Variants in DLG5 observed in about 807,000 individuals in gnomAD.
DLG5 encodes the protein disks large homolog 5.
A neutral mutation model predicts 189.8 loss-of-function variants in DLG5; 48 were observed. That is an observed-to-expected ratio of 0.25 (90% CI 0.20 to 0.32). The LOEUF is 0.32. DLG5 is among the 10% of genes least tolerant of loss of function. The pLI, the probability that DLG5 is intolerant of heterozygous loss-of-function variation, is 1.00. For missense variants in DLG5, 2,160 were observed against 2,544.7 expected, an observed-to-expected ratio of 0.85 and a Z score of 3.25; for synonymous variants, 1,016 against 1,054.1, an observed-to-expected ratio of 0.96 and a Z score of 0.70.
At chr10:77,853,908 C>T (rs190497256) in intron 4 of DLG5, among the ~76,000 whole-genome samples, 1 of 152,326 alleles carries the variant, frequency 6.6e-6, no homozygotes, top group Admixed American at 6.5e-5. Flanking sequence ...CTTGGGCCTA[C>T]CCTACAGGAA....
chr10:77,852,598 G>A (rs1844035445), intron 5 of DLG5, among the ~76,000 whole-genome samples: 1 of 151,910 alleles, frequency 6.6e-6, no homozygotes, highest in African/African-American at 2.4e-5. Flanking sequence ...TGTATTTTTA[G>A]TAGAGATGGG....
chr10:77,912,933 C>A (rs1227767428), intron 1 of DLG5, among the ~76,000 whole-genome samples: 1 of 152,056 alleles, frequency 6.6e-6, no homozygotes, highest in Non-Finnish European at 1.5e-5. Context: ...TGGAGAACCC[C>A]AGGGAAACCT....
chr10:77,860,298 G>T (rs1248640), intron 2 of DLG5, among the ~76,000 whole-genome samples: 112,982 of 152,058 alleles, frequency 0.74, 43,136 homozygotes, highest in African/African-American at 0.93. Context: ...GGTTTTTTTG[G>T]TTGGTTTTGT....
At chr10:77,917,547 A>G (rs984138060) in intron 1 of DLG5, among the ~76,000 whole-genome samples, 1 of 151,506 alleles carries the variant, frequency 6.6e-6, no homozygotes, top group Non-Finnish European at 1.5e-5. Context: ...GAAGAAAGAG[A>G]GAGAGAGAAA....
In DLG5 at chr10:77,835,858, T is replaced by A; in HGVS notation, c.1502A>T (p.Gln501Leu). The A allele has an allele frequency of 6.2e-7, 1 of 1,613,962 alleles. No individual in the cohort carries two copies. Among genetic ancestry groups the A allele is most frequent in the Non-Finnish European group, 8.5e-7 (1 of 1,179,862 alleles). The change falls in exon 8 of 32, where the codon CAG becomes CTG. Residue 501 changes from glutamine (Q) to leucine (L), a missense_variant. Gln to Leu is a moderately radical substitution (Grantham distance 113, BLOSUM62 -2). This residue lies in a region of DLG5 where 664 missense variants were observed against 838.5 expected (regional missense o/e 0.79). Coordinates refer to ENST00000372391, the MANE Select transcript of DLG5 (RefSeq NM_004747.4). ...ANKEVEILRK[Q>L]CKALCQELKE... The stretch of plus-strand genomic sequence containing the variant: ...CAGCTCCTGGCACAGAGCCTTGCAC[T>A]GCTTTCGAAGGATTTCAACCTCCTT...
chr10:77,795,658 G>A (rs1204796163), intron 29 of DLG5, among the ~76,000 whole-genome samples: 2 of 152,066 alleles, frequency 1.3e-5, no homozygotes, highest in African/African-American at 2.4e-5. Flanking sequence ...GCCCTTTTAG[G>A]GGCAGGGACC....
At chr10:77,814,651 T>C (rs1339015213) in intron 20 of DLG5, among the ~76,000 whole-genome samples, 1 of 151,792 alleles carries the variant, frequency 6.6e-6, no homozygotes, top group Admixed American at 6.6e-5. Context: ...CTCAGCTCAC[T>C]GCAACCTCCG....
At chr10:77,793,718 A>C in intron 31 of DLG5, 1 of 431,148 alleles carries the variant, frequency 2.3e-6, no homozygotes, top group Non-Finnish European at 4.2e-6. Flanking sequence ...TGGCTGCACT[A>C]AACTGCACCT....
chr10:77,921,084 G>A (rs564046168), intron 1 of DLG5, among the ~76,000 whole-genome samples: 10 of 152,276 alleles, frequency 6.6e-5, no homozygotes, highest in Admixed American at 3.9e-4. Context: ...GGTGGCATGC[G>A]CCTGTAATCT....
chr10:77,838,740 G>A (rs1317794523), intron 7 of DLG5, among the ~76,000 whole-genome samples: 1 of 152,188 alleles, frequency 6.6e-6, no homozygotes, highest in African/African-American at 2.4e-5. Flanking sequence ...CTGCCAGAAG[G>A]CCCCCCACAG....
At chr10:77,931,297 A>G (rs925852885), upstream of DLG5, among the ~76,000 whole-genome samples, 3 of 152,084 alleles carry the variant, frequency 2.0e-5, no homozygotes, top group Non-Finnish European at 2.9e-5. Flanking sequence ...TCTGTCTCCC[A>G]GGCTGGAGTG....
chr10:77,890,449 C>T (rs190579180), intron 1 of DLG5, among the ~76,000 whole-genome samples: 11 of 152,292 alleles, frequency 7.2e-5, no homozygotes, highest in Admixed American at 5.9e-4. Flanking sequence ...TTTACCACCA[C>T]GGGCAAGGTA....
chr10:77,908,440 C>T (rs1229918590), intron 1 of DLG5, among the ~76,000 whole-genome samples: 1 of 152,174 alleles, frequency 6.6e-6, no homozygotes, highest in African/African-American at 2.4e-5. Flanking sequence ...CCTCTCCAGC[C>T]CCAGCAGCCT....
the DLG5 span, among the ~76,000 whole-genome samples, chr10:77,940,115 T>C: frequency 6.6e-6 from 1 of 152,174 alleles, no homozygotes; most frequent in Admixed American, 6.6e-5. Flanking sequence ...TTTGCCCCAG[T>C]GTGCAACTTA....
At chr10:77,797,644 G>A (rs56044675) in intron 27 of DLG5, among the ~76,000 whole-genome samples, 7,966 of 152,274 alleles carry the variant, frequency 0.052, 274 homozygotes, top group Non-Finnish European at 0.084. Flanking sequence ...GGAGGGCAGA[G>A]CACAAGATGA....
At chr10:77,868,346 C>T (rs920113606) in intron 2 of DLG5, 66 of 354,808 alleles carry the variant, frequency 1.9e-4, no homozygotes, top group Middle Eastern at 1.0e-3. Flanking sequence ...TTCGCCACTA[C>T]GGCCCAAGCC....
chr10:77,860,458 C>T (rs543037474), intron 2 of DLG5, among the ~76,000 whole-genome samples: 63 of 152,246 alleles, frequency 4.1e-4, no homozygotes, highest in African/African-American at 1.4e-3. Context: ...CCACCATGCC[C>T]GGCTAATTTT....
chr10:77,859,110 A>G (rs1005123806), intron 2 of DLG5, among the ~76,000 whole-genome samples: 9 of 152,192 alleles, frequency 5.9e-5, no homozygotes, highest in Non-Finnish European at 1.2e-4. Context: ...TTCTGAGCTC[A>G]AGGGATCTGC....
intron 1 of DLG5, among the ~76,000 whole-genome samples, chr10:77,889,895 G>T (rs11002322): frequency 0.27 from 41,523 of 151,896 alleles, 6,313 homozygotes; most frequent in Non-Finnish European, 0.35. Flanking sequence ...ATAGGGAGGG[G>T]CACTGTAGGT....
Sources: allele counts gnomAD v4.1 joint callset (sites outside exome capture counted in the v4.1 genomes callset), GRCh38; gene constraint gnomAD v4.1.1; regional missense constraint gnomAD v4.1.1; transcripts MANE v1.5; gene names NCBI Gene and HGNC (gene_info 2026-07-23, HGNC 2026-07-21).